SERPINB7: variants seen among roughly 807,000 people sequenced by gnomAD.
The protein encoded by SERPINB7 is serpin family B member 7.
SERPINB7 carries 31 observed loss-of-function variants against 37.4 expected under a neutral mutation model. The ratio of observed to expected loss-of-function variants is 0.83; its 90% confidence interval spans 0.62 to 1.12. The LOEUF (loss-of-function observed/expected upper bound fraction) is 1.12. Among genes scored for constraint, SERPINB7 ranks in the 50% most tolerant of loss-of-function variants. SERPINB7 has a pLI of 0.00. For missense variants in SERPINB7, 521 were observed against 455.3 expected (o/e 1.14, Z -1.31); for synonymous variants, 163 against 166.1 (o/e 0.98, Z 0.14).
At chr18:63,782,198 C>A (rs1037218225) in intron 1 of SERPINB7, among the ~76,000 whole-genome samples, 157 bp from the exon 2 acceptor site, 1 of 151,876 alleles carries the variant, frequency 6.6e-6, no homozygotes, top group Admixed American at 6.6e-5. Flanking sequence ...GATACTGGGC[C>A]AAGGGAACTT....
rs754900787 is a variant in SERPINB7, at chr18:63,804,594, G to A, written c.1102G>A (p.Asp368Asn). Residue 368 changes from aspartate (D) to asparagine (N), a missense_variant, in exon 8 of 8, where the codon GAT (aspartate) becomes AAT (asparagine). Transcript: ENST00000398019. ...CCCATTCCTATTTGTTATCAGGAAG[G>A]ATGACATCATCTTATTCAGTGGCAA... ...DHPFLFVIRKDDIILFSGKVS... is the reference protein window; with the variant it reads ...DHPFLFVIRKNDIILFSGKVS... 1.4e-5 allele frequency: 22 copies of A among 1,613,138 alleles called. No individual in the cohort carries two copies. The highest frequency in any genetic ancestry group is 1.8e-5 in the Non-Finnish European group (21 of 1,179,608).
intron 2 of SERPINB7, among the ~76,000 whole-genome samples, chr18:63,787,909 T>C (rs1167095640): frequency 6.6e-6 from 1 of 152,220 alleles, no homozygotes; most frequent in East Asian, 1.9e-4. Context: ...TACTATTGTC[T>C]AGTGATGTTG....
intron 1 of SERPINB7, among the ~76,000 whole-genome samples, chr18:63,765,884 C>G (rs1568201039): frequency 6.6e-6 from 1 of 152,024 alleles, no homozygotes; most frequent in Non-Finnish European, 1.5e-5. Flanking sequence ...AGCTGAAAAA[C>G]AGCATTTTTT....
At chr18:63,791,247 A>G (rs1322202735) in intron 2 of SERPINB7, among the ~76,000 whole-genome samples, 1 of 152,172 alleles carries the variant, frequency 6.6e-6, no homozygotes, top group Non-Finnish European at 1.5e-5. Flanking sequence ...TATGTAAAAA[A>G]CCTGCACATT....
intron 1 of SERPINB7, among the ~76,000 whole-genome samples, chr18:63,765,576 G>A (rs911201621): frequency 2.0e-5 from 3 of 151,996 alleles, no homozygotes; most frequent in Admixed American, 6.6e-5. Context: ...TCTTTCTGAT[G>A]GCCTATAGCC....
At chr18:63,797,140 A>G (rs2049496973) in intron 5 of SERPINB7, among the ~76,000 whole-genome samples, 1 of 152,216 alleles carries the variant, frequency 6.6e-6, no homozygotes, top group Admixed American at 6.5e-5. Context: ...TCATCAACCA[A>G]TTCCAAAGCT....
intron 1 of SERPINB7, among the ~76,000 whole-genome samples, chr18:63,761,957 C>T (rs1321058342): frequency 1.3e-5 from 2 of 152,210 alleles, no homozygotes; most frequent in Middle Eastern, 3.2e-3. Context: ...CCTGATCCAA[C>T]TTATCTTTCA....
At chr18:63,786,119 A>G (rs28377358) in intron 2 of SERPINB7, among the ~76,000 whole-genome samples, 2 of 138,008 alleles carry the variant, frequency 1.4e-5, no homozygotes, top group Non-Finnish European at 3.0e-5. Flanking sequence ...GTATATATGT[A>G]TATATATACG....
intron 1 of SERPINB7, among the ~76,000 whole-genome samples, chr18:63,759,345 T>C (rs1167731036): frequency 6.6e-6 from 1 of 152,140 alleles, no homozygotes; most frequent in Non-Finnish European, 1.5e-5. Flanking sequence ...CAATTAAAAT[T>C]GACAATTGGA....
intron 1 of SERPINB7, among the ~76,000 whole-genome samples, chr18:63,777,259 A>C (rs2049257895): frequency 6.6e-6 from 1 of 152,018 alleles, no homozygotes; most frequent in Admixed American, 6.6e-5. Flanking sequence ...TTTTTATTTT[A>C]TGGATGAGAA....
At chr18:63,786,874 A>C (rs1167053188) in intron 2 of SERPINB7, among the ~76,000 whole-genome samples, 1 of 152,220 alleles carries the variant, frequency 6.6e-6, no homozygotes, top group Non-Finnish European at 1.5e-5. Context: ...AGTTTTATCT[A>C]ATATTTATCA....
At chr18:63,793,650 G>A (rs1260715644) in intron 4 of SERPINB7, among the ~76,000 whole-genome samples, 1 of 152,074 alleles carries the variant, frequency 6.6e-6, no homozygotes, top group East Asian at 1.9e-4. Context: ...GACCACAGGT[G>A]CATGCCACTA....
intron 1 of SERPINB7, among the ~76,000 whole-genome samples, chr18:63,766,897 A>G (rs2049183692): frequency 6.6e-6 from 1 of 152,156 alleles, no homozygotes; most frequent in Non-Finnish European, 1.5e-5. Context: ...CATAAACCAA[A>G]GAAACTTGAA....
intron 2 of SERPINB7, among the ~76,000 whole-genome samples, chr18:63,789,332 T>C (rs1289749885): frequency 6.6e-6 from 1 of 152,188 alleles, no homozygotes; most frequent in Non-Finnish European, 1.5e-5. Flanking sequence ...GACTTTCATT[T>C]GAAACTTTTC....
chr18:63,781,675 G>T (rs1057009888), intron 1 of SERPINB7, among the ~76,000 whole-genome samples: 1 of 152,158 alleles, frequency 6.6e-6, no homozygotes, highest in African/African-American at 2.4e-5. Context: ...TCTCCACTTT[G>T]TTACTGCACC....
intron 7 of SERPINB7, among the ~76,000 whole-genome samples, chr18:63,803,684 T>G (rs1270330462): frequency 6.6e-6 from 1 of 152,112 alleles, no homozygotes; most frequent in East Asian, 1.9e-4. Context: ...AACAAGAAAT[T>G]GATTTGAATT....
chr18:63,771,879 C>A (rs1291313250), upstream of SERPINB7, among the ~76,000 whole-genome samples: 1 of 151,076 alleles, frequency 6.6e-6, no homozygotes, highest in Non-Finnish European at 1.5e-5. Flanking sequence ...GGGAGACAAG[C>A]CCAGAAATGA....
At chr18:63,762,836 A>G (rs977385941) in intron 1 of SERPINB7, among the ~76,000 whole-genome samples, 19 of 152,216 alleles carry the variant, frequency 1.2e-4, no homozygotes, top group African/African-American at 4.6e-4. Flanking sequence ...TTATTTCTCA[A>G]TCACCACTAT....
intron 1 of SERPINB7, among the ~76,000 whole-genome samples, chr18:63,780,631 C>T (rs2049292270): frequency 6.6e-6 from 1 of 152,176 alleles, no homozygotes; most frequent in African/African-American, 2.4e-5. Flanking sequence ...ATAAAATCAA[C>T]ATACATTTTT....
Sources: gnomAD v4.1 joint callset for allele counts (sites outside exome capture counted in the v4.1 genomes callset) on GRCh38, gnomAD v4.1.1 for gene constraint, MANE v1.5 for transcripts, NCBI Gene and HGNC (gene_info 2026-07-23, HGNC 2026-07-21) for gene names.